The following DNAJC10 variants were observed in gnomAD, a reference collection of about 807,000 sequenced individuals.
DNAJC10 encodes the protein DnaJ heat shock protein family (Hsp40) member C10.
DNAJC10 carries 101 observed loss-of-function variants against 115.0 expected under a neutral mutation model. The observed-to-expected ratio is 0.88, with a 90% CI of 0.75 to 1.04. The LOEUF (loss-of-function observed/expected upper bound fraction) is 1.04. DNAJC10 is among the 50% of genes least tolerant of loss of function. DNAJC10 has a pLI of 0.00. For synonymous variants in DNAJC10, 307 were observed against 301.5 expected, an observed-to-expected ratio of 1.02 and a Z score of -0.19; for missense variants, 981 against 928.8, an observed-to-expected ratio of 1.06 and a Z score of -0.73.
chr2:182,757,541 C>G (rs1694187753), intron 18 of DNAJC10, 151 bp from the exon 19 acceptor site: 1 of 471,788 alleles, frequency 2.1e-6, no homozygotes, highest in Admixed American at 4.2e-5. Context: ...TATAAATGGT[C>G]TATTATATGT....
intron 22 of DNAJC10, among the ~76,000 whole-genome samples, chr2:182,763,115 T>C (rs1694327477): frequency 6.6e-6 from 1 of 152,132 alleles, no homozygotes; most frequent in African/African-American, 2.4e-5. Context: ...TTTCTACTTT[T>C]CTGTGAAAGG....
chr2:182,766,160 C>T (rs1235342601), intron 22 of DNAJC10, among the ~76,000 whole-genome samples: 2 of 152,096 alleles, frequency 1.3e-5, no homozygotes, highest in African/African-American at 4.8e-5. Context: ...CGAGCTTGAG[C>T]AAGTGTCAAA....
rs1693587388 is a variant in DNAJC10 at position 182,736,446 on chromosome 2, T to A, written c.987+60T>A. 21 of 1,247,746 alleles carry A rather than the reference T, an allele frequency of 1.7e-5. 1 individual carries two copies. The South Asian group carries it at 4.3e-4, about 26-fold the overall frequency. The allele number at this position is 1,247,746 out of a possible 1,614,324, so 77.3% of individuals were successfully genotyped here. A position where few individuals can be genotyped will look rare whatever the true frequency, so the allele number is the denominator to read the frequency against. ...AATGTGCAAACACCCTCAAAAATAA[T>A]ACATTATTTTTGTAAGCAGTGAGCA... On this transcript the variant is annotated intron_variant, in intron 11 of 23. Transcript: ENST00000264065.
At chr2:182,740,720 TAAG>T (rs568399324) in intron 12 of DNAJC10, among the ~76,000 whole-genome samples, 26 of 152,296 alleles carry the variant, frequency 1.7e-4, no homozygotes, top group Middle Eastern at 3.4e-3. Flanking sequence ...TATTGATTAC[TAAG>T]AAGAAGTATT....
chr2:182,724,505 C>T lies in DNAJC10; in HGVS notation c.418+2430C>T, dbSNP rs112041319. On this transcript the variant is annotated intron_variant, in intron 5 of 23. Coordinates refer to ENST00000264065, the MANE Select transcript of DNAJC10 (RefSeq NM_018981.4). ...AAAAATTTCAGAAATTACAGTAAGA[C>T]ATTAAAACATGCATGGTATTCTAAA... Among the ~76,000 whole-genome samples the T allele has an allele frequency of 7.9e-3, 1,208 of 152,122 alleles. 6 individuals carry two copies. Among genetic ancestry groups the T allele is most frequent in the South Asian group, 0.032 (154 of 4,826 alleles).
intron 9 of DNAJC10, among the ~76,000 whole-genome samples, chr2:182,731,675 C>G (rs1272673551): frequency 2.0e-5 from 3 of 152,134 alleles, no homozygotes; most frequent in African/African-American, 7.2e-5. Flanking sequence ...TATTATAACT[C>G]AATGTATTTG....
At chr2:182,745,537 A>G (rs1355303315) in intron 14 of DNAJC10, among the ~76,000 whole-genome samples, 1 of 152,224 alleles carries the variant, frequency 6.6e-6, no homozygotes, top group African/African-American at 2.4e-5. Flanking sequence ...TAGAACTTAC[A>G]TTGTTTCTTT....
At position 182,722,020 on chromosome 2, in the gene DNAJC10, AT is replaced by A; in HGVS notation, c.368-3del. 1.4e-6 allele frequency: 2 copies of A among 1,475,012 alleles called. No individual in the cohort carries two copies. Among genetic ancestry groups the A allele is most frequent in the Non-Finnish European group, 1.8e-6 (2 of 1,084,018 alleles). The allele number at this position is 1,475,012 out of a possible 1,614,324, so 91.4% of individuals were successfully genotyped here. A position where few individuals can be genotyped will look rare whatever the true frequency, so the allele number is the denominator to read the frequency against. ...TTTATAATTTTTATATACTTTTAAA[AT>A]TAGGTATTTATGATGATGATCCTGA... On this transcript the variant is annotated splice_region_variant and splice_polypyrimidine_tract_variant and intron_variant, in intron 4 of 23. Coordinates refer to ENST00000264065, the MANE Select transcript of DNAJC10 (RefSeq NM_018981.4).
chr2:182,745,541 T>C (rs970423611), intron 14 of DNAJC10, among the ~76,000 whole-genome samples: 1 of 152,228 alleles, frequency 6.6e-6, no homozygotes, highest in African/African-American at 2.4e-5. Context: ...ACTTACATTG[T>C]TTCTTTGGAT....
At chr2:182,726,744 T>C (rs966432966) in intron 5 of DNAJC10, among the ~76,000 whole-genome samples, 1 of 152,176 alleles carries the variant, frequency 6.6e-6, no homozygotes, top group Non-Finnish European at 1.5e-5. Flanking sequence ...AATAAAGTTA[T>C]TTTTTGTTCC....
intron 22 of DNAJC10, among the ~76,000 whole-genome samples, chr2:182,768,745 T>C (rs1205578549): frequency 6.6e-6 from 1 of 152,202 alleles, no homozygotes; most frequent in African/African-American, 2.4e-5. Context: ...TGCTTTCCAT[T>C]ACTGTTGTTG....
chr2:182,749,639 G>C (rs1394799029), intron 14 of DNAJC10, among the ~76,000 whole-genome samples: 1 of 151,994 alleles, frequency 6.6e-6, no homozygotes, highest in African/African-American at 2.4e-5. Context: ...TTTAATTGGA[G>C]CATTTAGTCC....
Position 182,777,551 on chromosome 2 carries a change from C to T in DNAJC10, c.*419C>T. ...TCAGGTGGCTGGCTTGAACATGAGT[C>T]TGCTGTGCTATCTACATAAATGTCT... On this transcript the variant is annotated 3_prime_UTR_variant, in exon 24 of 24. Transcript: ENST00000264065. 6.5e-6 allele frequency: 1 copy of T among 153,540 alleles called. No individual in the cohort carries two copies. The highest frequency in any genetic ancestry group is 1.5e-5 in the Non-Finnish European group (1 of 68,916). 9.5% of individuals were successfully genotyped at this position (153,540 alleles called of 1,614,324 possible).
intron 5 of DNAJC10, among the ~76,000 whole-genome samples, chr2:182,727,795 A>C (rs192270951): frequency 6.6e-5 from 10 of 152,304 alleles, no homozygotes; most frequent in South Asian, 4.1e-4. Context: ...AAGCAGATTA[A>C]CCTCGCCTTT....
intron 22 of DNAJC10, among the ~76,000 whole-genome samples, chr2:182,763,588 T>A (rs1429301299): frequency 1.3e-5 from 2 of 152,124 alleles, no homozygotes; most frequent in Non-Finnish European, 2.9e-5. Context: ...TTTTTAGCGT[T>A]CCTTATCACA....
chr2:182,792,378 A>G lies in DNAJC10; in HGVS notation c.*15246A>G, dbSNP rs1371931407. 6.6e-6 allele frequency: 1 copy of G among 152,208 alleles called. No homozygotes were observed. Among genetic ancestry groups the G allele is most frequent in the East Asian group, 1.9e-4 (1 of 5,200 alleles). The allele number at this position is 152,208 out of a possible 1,614,324, so 9.4% of individuals were successfully genotyped here. On this transcript the variant is annotated 3_prime_UTR_variant, in exon 24 of 24. Transcript: ENST00000264065. ...AGGTACAAAAAATAATGAAGAGGAT[A>G]TATTCCAATTTCTTTCCTTCCCCAA...
chr2:182,768,132 A>C (rs548773295), intron 22 of DNAJC10, among the ~76,000 whole-genome samples: 1 of 152,098 alleles, frequency 6.6e-6, no homozygotes, highest in Admixed American at 6.6e-5. Context: ...ATTGCCACAC[A>C]TCTAGATTTT....
intron 22 of DNAJC10, among the ~76,000 whole-genome samples, chr2:182,774,849 G>A (rs1418860112): frequency 6.6e-6 from 1 of 152,146 alleles, no homozygotes; most frequent in Non-Finnish European, 1.5e-5. Context: ...GCGTCTTCTC[G>A]CCCTCTGTGG....
At position 182,790,165 on chromosome 2, in the gene DNAJC10, A is replaced by G. The variant is rs1695024032; in HGVS notation, c.*13033A>G. On this transcript the variant is annotated 3_prime_UTR_variant, in exon 24 of 24. Coordinates refer to ENST00000264065, the MANE Select transcript of DNAJC10 (RefSeq NM_018981.4). The stretch of plus-strand genomic sequence containing the variant: ...CTACCACAAAACTAAGTATTTGTTT[A>G]TAAGAAAAAGCTTTATTTAGTCCTA... 1 of 152,228 alleles carries G rather than the reference A, an allele frequency of 6.6e-6. No individual in the cohort carries two copies. Among genetic ancestry groups the G allele is most frequent in the African/African-American group, 2.4e-5 (1 of 41,460 alleles). 9.4% of individuals were successfully genotyped at this position (152,228 alleles called of 1,614,324 possible). A position where few individuals can be genotyped will look rare whatever the true frequency, so the allele number is the denominator to read the frequency against.
Sources: gnomAD v4.1 joint callset for allele counts (sites outside exome capture counted in the v4.1 genomes callset) on GRCh38, gnomAD v4.1.1 for gene constraint, MANE v1.5 for transcripts, NCBI Gene and HGNC (gene_info 2026-07-23, HGNC 2026-07-21) for gene names.